Variants in CDH13 observed in about 807,000 individuals in gnomAD.
CDH13 encodes cadherin-13.
CDH13 carries 24 observed loss-of-function variants against 63.8 expected under a neutral mutation model. The ratio of observed to expected loss-of-function variants is 0.38; its 90% CI spans 0.27 to 0.53. CDH13 has a LOEUF of 0.53. CDH13 is among the 20% of genes least tolerant of loss of function. The pLI is 0.85. For missense variants in CDH13, 1,049 were observed against 903.1 expected (o/e 1.16, Z -2.07); for synonymous variants, 503 against 355.3 (o/e 1.42, Z -4.67).
chr16:83,389,401 T>C (rs1029576095), intron 6 of CDH13, among the ~76,000 whole-genome samples: 3 of 152,218 alleles, frequency 2.0e-5, no homozygotes, highest in African/African-American at 7.2e-5. Context: ...TCTCTATCTT[T>C]CTATAAGAAT....
rs1427841943 is a variant in CDH13 at position 82,920,628 on chromosome 16, C to G, written c.157+62155C>G. ...GAGGCTGTCTCCACTGCAGGCCCCACTGTGGATGGTGCTGGTCAGAGACTA... is the reference window on the plus strand; with the variant it reads ...GAGGCTGTCTCCACTGCAGGCCCCAGTGTGGATGGTGCTGGTCAGAGACTA... On this transcript the variant is annotated intron_variant, in intron 2 of 13. Transcript: ENST00000567109. Among the ~76,000 whole-genome samples, 3 of 152,218 alleles carry G rather than the reference C, an allele frequency of 2.0e-5. No homozygotes were observed. The East Asian group carries it at 5.8e-4, about 29-fold the overall frequency.
intron 10 of CDH13, among the ~76,000 whole-genome samples, chr16:83,684,747 A>T (rs1904287758): frequency 6.6e-6 from 1 of 152,128 alleles, no homozygotes; most frequent in Non-Finnish European, 1.5e-5. Context: ...ACTGCTCAAC[A>T]CTTTTTTTTG....
chr16:83,107,021 C>T (rs187808324), intron 3 of CDH13, among the ~76,000 whole-genome samples: 1 of 152,294 alleles, frequency 6.6e-6, no homozygotes, highest in Non-Finnish European at 1.5e-5. Flanking sequence ...ACACCCCACA[C>T]ACAGACAGAC....
At chr16:83,771,518 T>C (rs934163700) in intron 11 of CDH13, among the ~76,000 whole-genome samples, 6 of 152,048 alleles carry the variant, frequency 3.9e-5, no homozygotes, top group African/African-American at 1.4e-4. Context: ...CGTGGCAGGG[T>C]GCCAAGTCCA....
rs16959961 is a variant in CDH13, at chr16:83,259,926, A to G, written c.636+42429A>G. On this transcript the variant is annotated intron_variant, in intron 5 of 13. Transcript: ENST00000567109. Reference sequence around the variant, plus strand: ...ATTCAGATTGCTCATCGTGCAACCAAATGAACATCATTCTTGAGTGATTCT... The same window carrying G: ...ATTCAGATTGCTCATCGTGCAACCAGATGAACATCATTCTTGAGTGATTCT... 5.8e-3 allele frequency among the ~76,000 whole-genome samples: 889 copies of G among 152,254 alleles called. 8 individuals carry two copies. Among genetic ancestry groups the G allele is most frequent in the African/African-American group, 0.021 (852 of 41,542 alleles).
Position 83,124,370 on chromosome 16 carries a change from T to A in CDH13, c.367-1015T>A, listed in dbSNP as rs116381337. Among the ~76,000 whole-genome samples the A allele has an allele frequency of 2.1e-3, 314 of 152,262 alleles. 1 individual carries two copies. Among genetic ancestry groups the A allele is most frequent in the African/African-American group, 7.4e-3 (307 of 41,568 alleles). ...CTACCCACTTTTAATTGGGTCATTTTTGTTGTTTGAGTTCCTTGTAAATTC... is the reference window on the plus strand; with the variant it reads ...CTACCCACTTTTAATTGGGTCATTTATGTTGTTTGAGTTCCTTGTAAATTC... On this transcript the variant is annotated intron_variant, in intron 3 of 13. Coordinates refer to ENST00000567109, the MANE Select transcript of CDH13 (RefSeq NM_001257.5).
At chr16:83,112,756 A>C (rs2035119653) in intron 3 of CDH13, among the ~76,000 whole-genome samples, 1 of 152,186 alleles carries the variant, frequency 6.6e-6, no homozygotes, top group Admixed American at 6.5e-5. Context: ...TTTTCAGTAA[A>C]ATATCTGTAC....
intron 3 of CDH13, among the ~76,000 whole-genome samples, chr16:83,057,879 A>C (rs1346421917): frequency 6.6e-6 from 1 of 152,212 alleles, no homozygotes. Flanking sequence ...AAACCTGCAC[A>C]CAGTAATTCC....
chr16:83,702,546 C>G (rs1055855891), intron 10 of CDH13, among the ~76,000 whole-genome samples: 3 of 152,160 alleles, frequency 2.0e-5, no homozygotes, highest in African/African-American at 7.2e-5. Context: ...CAACTTTGCT[C>G]TATCCTAATC....
chr16:83,363,237 G>A (rs1273595198), intron 6 of CDH13, among the ~76,000 whole-genome samples: 1 of 152,184 alleles, frequency 6.6e-6, no homozygotes, highest in African/African-American at 2.4e-5. Context: ...GAGATGGGTG[G>A]CTGCTTCTTG....
chr16:83,092,006 T>A (rs868625813), intron 3 of CDH13, among the ~76,000 whole-genome samples: 1 of 152,252 alleles, frequency 6.6e-6, no homozygotes, highest in Non-Finnish European at 1.5e-5. Context: ...TACCAGGCAA[T>A]GCTGGCATTA....
chr16:82,696,709 C>G (rs1310075179), intron 1 of CDH13, among the ~76,000 whole-genome samples: 1 of 152,186 alleles, frequency 6.6e-6, no homozygotes, highest in African/African-American at 2.4e-5. Context: ...GGGATGCTAT[C>G]TATGTATGTT....
intron 4 of CDH13, among the ~76,000 whole-genome samples, chr16:83,205,633 T>C (rs1223474831): frequency 6.7e-6 from 1 of 148,708 alleles, no homozygotes; most frequent in Non-Finnish European, 1.5e-5. Flanking sequence ...TGAGACAAAG[T>C]CTTGCTCTGT....
At chr16:83,005,341 C>G (rs911052981) in intron 2 of CDH13, among the ~76,000 whole-genome samples, 1 of 152,192 alleles carries the variant, frequency 6.6e-6, no homozygotes, top group Non-Finnish European at 1.5e-5. Context: ...CCTCCTCACT[C>G]TTTCTCCCTG....
intron 3 of CDH13, among the ~76,000 whole-genome samples, chr16:83,053,364 T>C (rs2151509118): frequency 6.6e-6 from 1 of 152,278 alleles, no homozygotes; most frequent in Middle Eastern, 3.4e-3. Context: ...GCTTTCTATA[T>C]GTCTTCATTT....
chr16:83,660,769 A>G (rs1446807505), intron 8 of CDH13, among the ~76,000 whole-genome samples: 1 of 152,230 alleles, frequency 6.6e-6, no homozygotes, highest in Non-Finnish European at 1.5e-5. Flanking sequence ...GAGTATCTCT[A>G]CAGAAAATCT....
rs7202469 is a variant in CDH13, at chr16:83,118,412, C to G, written c.367-6973C>G. Among the ~76,000 whole-genome samples the G allele has an allele frequency of 8.0e-3, 1,214 of 152,262 alleles. 14 individuals are homozygous for G. The highest frequency in any genetic ancestry group is 0.028 in the African/African-American group (1,148 of 41,550). ...ATGGATTCTGGTGTGTGTGTAAACCCGCATGTGCATAAGTGTGTGCATTTG... is the reference window on the plus strand; with the variant it reads ...ATGGATTCTGGTGTGTGTGTAAACCGGCATGTGCATAAGTGTGTGCATTTG... On this transcript the variant is annotated intron_variant, in intron 3 of 13. Transcript: ENST00000567109.
intron 5 of CDH13, among the ~76,000 whole-genome samples, chr16:83,271,170 C>G (rs998046395): frequency 3.3e-5 from 5 of 151,908 alleles, no homozygotes; most frequent in African/African-American, 7.3e-5. Context: ...CCTTTGAGGT[C>G]TATGCCCTAT....
intron 7 of CDH13, among the ~76,000 whole-genome samples, chr16:83,518,456 GGTTTTTTTTTGTTTTTTGTTTTTT>G (rs1179963401): frequency 6.9e-6 from 1 of 144,144 alleles, no homozygotes; most frequent in Non-Finnish European, 1.5e-5. Context: ...AGATGTGATG[GGTTTTTTTTTGTTTTTTGTTTTTT>G]GTTTTTTTTT....
Sources: gnomAD v4.1 joint callset for allele counts (sites outside exome capture counted in the v4.1 genomes callset) on GRCh38, gnomAD v4.1.1 for gene constraint, MANE v1.5 for transcripts, NCBI Gene and HGNC (gene_info 2026-07-23, HGNC 2026-07-21) for gene names.